The following SPINK5 variants were observed in gnomAD, a reference collection of about 807,000 sequenced individuals.
SPINK5 encodes the protein serine peptidase inhibitor Kazal type 5, also known as serine protease inhibitor Kazal-type 5.
In SPINK5, 125 loss-of-function variants were observed where a neutral mutation model predicts 151.8. The observed-to-expected ratio is 0.82, with a 90% CI of 0.71 to 0.96. The LOEUF (loss-of-function observed/expected upper bound fraction) is 0.96. Among genes scored for constraint, SPINK5 ranks in the 40% least tolerant of loss-of-function variants. SPINK5 has a pLI of 0.00. For missense variants in SPINK5, 1,194 were observed against 1,291.9 expected, an observed-to-expected ratio of 0.92 and a Z score of 1.16; for synonymous variants, 374 against 395.3, an observed-to-expected ratio of 0.95 and a Z score of 0.64.
rs745601984 is a variant in SPINK5 at position 148,099,251 on chromosome 5, A to G, written c.1028A>G (p.Glu343Gly). Residue 343 changes from glutamate to glycine, a missense_variant, in exon 12 of 33, where the codon GAA (glutamate) becomes GGA (glycine). Physicochemically the swap from Glu to Gly is moderately conservative, Grantham distance 98. Transcript: ENST00000256084. The part of the protein sequence containing the change: ...CQAYFQAENE[E>G]KKKAEARARN... ...TTATTCAGCCAAGCAGAAAATGAAG[A>G]AAAGAAAAAGGCTGAAGCACGAGCT... 2 of 1,611,150 alleles carry G rather than the reference A, an allele frequency of 1.2e-6. No homozygotes were observed. The highest frequency in any genetic ancestry group is 1.7e-4 in the Middle Eastern group (1 of 6,048).
rs761773539 is a variant in SPINK5, at chr5:148,101,456, C to T, written c.1302+20C>T. ...TTTGAGGTGAGTTTATATCCTCCAG[C>T]AACTCAGAGGGATATGGCCCTGAGG... On this transcript the variant is annotated intron_variant, in intron 14 of 32. Coordinates refer to ENST00000256084, the MANE Select transcript of SPINK5 (RefSeq NM_006846.4). 4 of 1,551,148 alleles carry T rather than the reference C, an allele frequency of 2.6e-6. No homozygotes were observed. The highest frequency in any genetic ancestry group is 3.3e-5 in the Admixed American group (2 of 59,774).
At chr5:148,131,845 T>G (rs1392088934) in intron 31 of SPINK5, among the ~76,000 whole-genome samples, 1 of 152,148 alleles carries the variant, frequency 6.6e-6, no homozygotes, top group African/African-American at 2.4e-5. Flanking sequence ...TTGAAAGAAG[T>G]AGTACCTTGC....
intron 26 of SPINK5, among the ~76,000 whole-genome samples, chr5:148,121,378 C>G (rs1164461036): frequency 6.6e-6 from 1 of 151,616 alleles, no homozygotes; most frequent in Admixed American, 6.6e-5. Context: ...AAGATTTTTC[C>G]TATTAGTAGG....
At chr5:148,111,728 T>A in intron 18 of SPINK5, 40 bp from the exon 19 acceptor site, 1 of 1,613,612 alleles carries the variant, frequency 6.2e-7, no homozygotes, top group Non-Finnish European at 8.5e-7. Context: ...TAGTGTTTAG[T>A]TATTGGACTC....
chr5:148,064,052 T>C lies in SPINK5; in HGVS notation c.8T>C (p.Ile3Thr), dbSNP rs1317545554. ...ACTTGCATCGTCTTCAACATGAAGA[T>C]AGCCACAGTGTCAGTGCTTCTGCCC... MK[I>T]ATVSVLLPLA... Residue 3 changes from isoleucine (I) to threonine (T), a missense_variant, in exon 1 of 33, where the codon ATA becomes ACA. Physicochemically the swap from Ile to Thr is moderately conservative, Grantham distance 89. Transcript: ENST00000256084. The C allele has an allele frequency of 6.2e-7, 1 of 1,614,202 alleles. No homozygotes were observed. The highest frequency in any genetic ancestry group is 8.5e-7 in the Non-Finnish European group (1 of 1,180,042).
At chr5:148,111,937 A>C in intron 19 of SPINK5, 42 bp downstream of exon 19, 1 of 1,613,676 alleles carries the variant, frequency 6.2e-7, no homozygotes, top group Non-Finnish European at 8.5e-7. Flanking sequence ...GTGTGGGAGA[A>C]GATCAGCATC....
Position 148,064,059 on chromosome 5 carries a change from A to C in SPINK5, c.15A>C (p.Thr5=). ...TCGTCTTCAACATGAAGATAGCCAC[A>C]GTGTCAGTGCTTCTGCCCTTGGCTC... is the stretch of plus-strand genomic sequence containing the variant. MKIA[T]VSVLLPLALC... is the part of the protein sequence containing the mutation. Residue 5 remains threonine, a synonymous_variant, in exon 1 of 33, where the codon ACA becomes ACC. Coordinates refer to ENST00000256084, the MANE Select transcript of SPINK5 (RefSeq NM_006846.4). 4.3e-6 allele frequency: 7 copies of C among 1,614,214 alleles called. No individual in the cohort carries two copies. Among genetic ancestry groups the C allele is most frequent in the Non-Finnish European group, 5.1e-6 (6 of 1,180,038 alleles).
At chr5:148,077,431 A>G (rs2113018815) in intron 4 of SPINK5, among the ~76,000 whole-genome samples, 1 of 151,284 alleles carries the variant, frequency 6.6e-6, no homozygotes, top group African/African-American at 2.4e-5. Context: ...AAGAAATCTG[A>G]GAGACTTTGT....
At position 148,104,801 on chromosome 5, in the gene SPINK5, C is replaced by A. The variant is rs1581085334; in HGVS notation, c.1431-151C>A. 5 of 599,682 alleles carry A rather than the reference C, an allele frequency of 8.3e-6. No homozygotes were observed. The East Asian group carries it at 1.7e-4, about 20-fold the overall frequency. 37.1% of individuals were successfully genotyped at this position (599,682 alleles called of 1,614,324 possible). A position where few individuals can be genotyped will look rare whatever the true frequency, so the allele number is the denominator to read the frequency against. ...ATCCTAGCTACTTGGGAGGCTGAGG[C>A]AGGAGAATTGCTTGAACCCGGGAGG... On this transcript the variant is annotated intron_variant, in intron 15 of 32. Coordinates refer to ENST00000256084, the MANE Select transcript of SPINK5 (RefSeq NM_006846.4).
At chr5:148,107,526 G>A (rs1753814658) in intron 17 of SPINK5, among the ~76,000 whole-genome samples, 1 of 152,098 alleles carries the variant, frequency 6.6e-6, no homozygotes, top group Non-Finnish European at 1.5e-5. Context: ...TATTCAGATA[G>A]GAGCTAAGGA....
chr5:148,111,308 G>C (rs777923324), intron 18 of SPINK5, among the ~76,000 whole-genome samples: 3 of 152,008 alleles, frequency 2.0e-5, no homozygotes, highest in Admixed American at 6.6e-5. Flanking sequence ...CCTTGTGATT[G>C]AGCCTTACAC....
chr5:148,128,750 C>G (rs192227246), intron 30 of SPINK5, among the ~76,000 whole-genome samples: 6,007 of 152,184 alleles, frequency 0.039, 183 homozygotes, highest in East Asian at 0.13. Context: ...GTCTCGATCT[C>G]CTGACCTCGT....
At chr5:148,069,883 T>C (rs1752692783) in intron 2 of SPINK5, among the ~76,000 whole-genome samples, 2 of 152,106 alleles carry the variant, frequency 1.3e-5, no homozygotes, top group Admixed American at 1.3e-4. Flanking sequence ...CTGTTAAAAT[T>C]TCTAGGAACT....
chr5:148,080,599 T>C (rs188665379), intron 4 of SPINK5, among the ~76,000 whole-genome samples: 336 of 151,480 alleles, frequency 2.2e-3, no homozygotes, highest in African/African-American at 7.8e-3. Context: ...ATATAATTAA[T>C]TTTAAAAAAC....
At position 148,078,795 on chromosome 5, in the gene SPINK5, G is replaced by A. The variant is rs970238414; in HGVS notation, c.282+6575G>A. Among the ~76,000 whole-genome samples, 41 of 150,620 alleles carry A rather than the reference G, an allele frequency of 2.7e-4. 1 individual carries two copies. The highest frequency in any genetic ancestry group is 8.7e-4 in the African/African-American group (36 of 41,218). ...GGACTTGTCTAAAGCACTTTCTAGA[G>A]ATTTAAATGGCTTAATCAGAAATAA... On this transcript the variant is annotated intron_variant, in intron 4 of 32. Coordinates refer to ENST00000256084, the MANE Select transcript of SPINK5 (RefSeq NM_006846.4).
chr5:148,087,925 GT>G (rs199756429), intron 5 of SPINK5, among the ~76,000 whole-genome samples: 4,415 of 151,260 alleles, frequency 0.029, 104 homozygotes, highest in South Asian at 0.094. Flanking sequence ...TAAATATTTA[GT>G]TTTTTTCTTT....
chr5:148,088,526 T>G lies in SPINK5; in HGVS notation c.411-16T>G. 6.2e-7 allele frequency: 1 copy of G among 1,610,704 alleles called. No individual in the cohort carries two copies. Reference sequence around the variant, plus strand: ...TGTGATATTAAACTGCTGTGTCTACTAACTTTTGATTCTAGGAAAACCGGG... The same window carrying G: ...TGTGATATTAAACTGCTGTGTCTACGAACTTTTGATTCTAGGAAAACCGGG... On this transcript the variant is annotated splice_polypyrimidine_tract_variant and intron_variant, in intron 5 of 32. Transcript: ENST00000256084.
At chr5:148,066,129 AT>A (rs1371748979) in intron 2 of SPINK5, among the ~76,000 whole-genome samples, 3 of 152,154 alleles carry the variant, frequency 2.0e-5, no homozygotes, top group Admixed American at 6.5e-5. Flanking sequence ...CCACGAAGGT[AT>A]TTGCAGTTTA....
At chr5:148,106,920 C>T in intron 16 of SPINK5, 117 bp from the exon 17 acceptor site, 1 of 1,323,482 alleles carries the variant, frequency 7.6e-7, no homozygotes, top group Non-Finnish European at 1.1e-6. Context: ...TGATTTACTA[C>T]TATGTGTTAT....
Sources: gnomAD v4.1 joint callset for allele counts (sites outside exome capture counted in the v4.1 genomes callset) on GRCh38, gnomAD v4.1.1 for gene constraint, MANE v1.5 for transcripts, NCBI Gene and HGNC (gene_info 2026-07-23, HGNC 2026-07-21) for gene names.